The following GALNT14 variants were observed in gnomAD, a reference collection of about 807,000 sequenced individuals.
GALNT14 encodes polypeptide N-acetylgalactosaminyltransferase 14.
A neutral mutation model predicts 77.5 loss-of-function variants in GALNT14; 60 were observed. That is an observed-to-expected ratio of 0.77 (90% confidence interval 0.63 to 0.96). GALNT14 has a LOEUF of 0.96. GALNT14 is among the 40% of genes least tolerant of loss of function. The probability of loss-of-function intolerance (pLI) is 0.00; values close to 1 mark genes in which losing one functional copy is unlikely to be tolerated. For missense variants in GALNT14, 710 were observed against 731.0 expected (o/e 0.97, Z 0.33); for synonymous variants, 280 against 281.7 (o/e 0.99, Z 0.06).
At chr2:31,012,305 TG>T (rs1241315890) in intron 1 of GALNT14, among the ~76,000 whole-genome samples, 7 of 152,168 alleles carry the variant, frequency 4.6e-5, no homozygotes. Flanking sequence ...TCCATTAAAC[TG>T]CCACCACCAT....
At chr2:31,120,327 G>T (rs927079249) in intron 1 of GALNT14, among the ~76,000 whole-genome samples, 1 of 152,086 alleles carries the variant, frequency 6.6e-6, no homozygotes, top group Non-Finnish European at 1.5e-5. Flanking sequence ...TTTACAAACT[G>T]GTTACACAAT....
At chr2:31,062,395 TC>T (rs918300259) in intron 1 of GALNT14, among the ~76,000 whole-genome samples, 18 of 152,212 alleles carry the variant, frequency 1.2e-4, no homozygotes, top group African/African-American at 4.1e-4. Flanking sequence ...ATGAGCTTAT[TC>T]TTTTTTATGG....
chr2:31,100,177 T>G (rs1384569666), intron 1 of GALNT14, among the ~76,000 whole-genome samples: 2 of 152,080 alleles, frequency 1.3e-5, no homozygotes, highest in Non-Finnish European at 2.9e-5. Context: ...CTTAACATCA[T>G]TGATAGGTGG....
At chr2:31,042,789 T>C (rs370896602) in intron 1 of GALNT14, among the ~76,000 whole-genome samples, 1 of 152,180 alleles carries the variant, frequency 6.6e-6, no homozygotes, top group Admixed American at 6.5e-5. Flanking sequence ...CTCCACCGTC[T>C]CAGGCCTGGC....
chr2:31,035,636 C>CAT lies in GALNT14; in HGVS notation c.130-42630_130-42629insAT, dbSNP rs1558512468. Among the ~76,000 whole-genome samples the CAT allele has an allele frequency of 2.1e-4, 29 of 138,038 alleles. 1 individual carries two copies. The highest frequency in any genetic ancestry group is 3.8e-4 in the Non-Finnish European group (24 of 63,110). 90.6% of individuals were successfully genotyped at this position (138,038 alleles called of 152,430 possible). The stretch of plus-strand genomic sequence containing the variant: ...ACACACCTACACACACACACACACA[C>CAT]ACACACACACACACACACACACTAT... On this transcript the variant is annotated intron_variant, in intron 1 of 14. Transcript: ENST00000349752.
chr2:31,097,589 G>A (rs1677065842), intron 1 of GALNT14, among the ~76,000 whole-genome samples: 1 of 151,966 alleles, frequency 6.6e-6, no homozygotes, highest in African/African-American at 2.4e-5. Flanking sequence ...AATAAAATAG[G>A]GTTTTTGTTA....
intron 1 of GALNT14, among the ~76,000 whole-genome samples, chr2:31,000,515 T>C (rs987510639): frequency 6.6e-6 from 1 of 151,180 alleles, no homozygotes; most frequent in Non-Finnish European, 1.5e-5. Flanking sequence ...GATTGGCTGA[T>C]TGATTTCTAG....
intron 9 of GALNT14, among the ~76,000 whole-genome samples, chr2:30,933,499 C>T (rs1665871044): frequency 6.6e-6 from 1 of 152,192 alleles, no homozygotes; most frequent in Non-Finnish European, 1.5e-5. Flanking sequence ...ACCTACCTGT[C>T]TCCTCCCACG....
chr2:30,966,309 A>T lies in GALNT14; in HGVS notation c.300-7T>A. 3.1e-6 allele frequency: 5 copies of T among 1,604,824 alleles called. No individual in the cohort carries two copies. Among genetic ancestry groups the T allele is most frequent in the Non-Finnish European group, 4.3e-6 (5 of 1,171,694 alleles). ...ATACACCAGCAGTGTGCATCTGGGG[A>T]AGGAAAGGCACAGGGCAAGTGAGAC... On this transcript the variant is annotated splice_polypyrimidine_tract_variant and splice_region_variant and intron_variant, in intron 2 of 14. Coordinates refer to ENST00000349752, the MANE Select transcript of GALNT14 (RefSeq NM_024572.4).
At chr2:31,014,217 G>C (rs1671206981) in intron 1 of GALNT14, among the ~76,000 whole-genome samples, 1 of 152,160 alleles carries the variant, frequency 6.6e-6, no homozygotes, top group South Asian at 2.1e-4. Flanking sequence ...CAATTAAGAG[G>C]AGAAGCTGAC....
chr2:30,898,223 A>G, the GALNT14 span, among the ~76,000 whole-genome samples: 2 of 152,194 alleles, frequency 1.3e-5, no homozygotes, highest in African/African-American at 4.8e-5. Flanking sequence ...ATGTGTAGGG[A>G]CCTTAATCTT....
At chr2:30,928,719 C>T (rs1572981811) in intron 11 of GALNT14, among the ~76,000 whole-genome samples, 1 of 152,080 alleles carries the variant, frequency 6.6e-6, no homozygotes, top group South Asian at 2.1e-4. Context: ...CAGGTTCAAG[C>T]GATTCTCCTG....
chr2:30,919,002 C>A lies in GALNT14; in HGVS notation c.1380+5117G>T, dbSNP rs1418688894. Reference sequence around the variant, plus strand: ...AGGGGGAGACTTTATCTTCACCTGCCCACCCAGGGTACCCACCTTGCATGC... The same window carrying A: ...AGGGGGAGACTTTATCTTCACCTGCACACCCAGGGTACCCACCTTGCATGC... On this transcript the variant is annotated intron_variant, in intron 13 of 14. Coordinates refer to ENST00000349752, the MANE Select transcript of GALNT14 (RefSeq NM_024572.4). 3.9e-5 allele frequency among the ~76,000 whole-genome samples: 6 copies of A among 152,144 alleles called. 2 individuals are homozygous for A. The South Asian group carries it at 8.3e-4, about 21-fold the overall frequency.
intron 3 of GALNT14, among the ~76,000 whole-genome samples, chr2:30,961,995 G>C (rs1236640372): frequency 6.6e-6 from 1 of 152,038 alleles, no homozygotes; most frequent in East Asian, 1.9e-4. Flanking sequence ...GCCCAGCCTG[G>C]GTTAGACTTT....
chr2:31,132,205 C>T (rs2365208), intron 1 of GALNT14, among the ~76,000 whole-genome samples: 131,334 of 152,196 alleles, frequency 0.86, 57,079 homozygotes, highest in East Asian at 1. Flanking sequence ...GCCTGGACTC[C>T]GGGCCTTGGG....
chr2:31,048,842 G>C (rs1673658017), intron 1 of GALNT14, among the ~76,000 whole-genome samples: 1 of 152,094 alleles, frequency 6.6e-6, no homozygotes, highest in Non-Finnish European at 1.5e-5. Context: ...CCACGTCCTT[G>C]AGATCAGGAA....
At chr2:30,929,284 C>T (rs899297931) in intron 11 of GALNT14, 111 bp downstream of exon 11, 31 of 723,248 alleles carry the variant, frequency 4.3e-5, no homozygotes, top group Non-Finnish European at 5.9e-5. Context: ...TTGGGCCCTG[C>T]GGGAGCTGAG....
At chr2:30,927,256 A>T (rs541689556) in intron 11 of GALNT14, among the ~76,000 whole-genome samples, 1 of 152,308 alleles carries the variant, frequency 6.6e-6, no homozygotes, top group Admixed American at 6.5e-5. Context: ...GACTGCAGTC[A>T]GTTTGAAACT....
intron 1 of GALNT14, among the ~76,000 whole-genome samples, chr2:31,050,990 G>A (rs1673826449): frequency 6.6e-6 from 1 of 152,084 alleles, no homozygotes; most frequent in South Asian, 2.1e-4. Flanking sequence ...TGAAGTCAAG[G>A]AATCAGGCCA....
Sources: allele counts gnomAD v4.1 joint callset (sites outside exome capture counted in the v4.1 genomes callset), GRCh38; gene constraint gnomAD v4.1.1; transcripts MANE v1.5; gene names NCBI Gene and HGNC (gene_info 2026-07-23, HGNC 2026-07-21).